Variants in RFX7 observed in about 807,000 individuals in gnomAD.
RFX7 encodes the protein regulatory factor X7.
In RFX7, 26 loss-of-function variants were observed where a neutral mutation model predicts 111.8. That is an observed-to-expected ratio of 0.23 (90% CI 0.17 to 0.32). The LOEUF (loss-of-function observed/expected upper bound fraction) is 0.32, where lower values mean the gene tolerates loss of function less well. Among genes scored for constraint, RFX7 ranks in the 10% least tolerant of loss-of-function variants. The pLI, the probability that RFX7 is intolerant of heterozygous loss-of-function variation, is 1.00. For missense variants in RFX7, 1,573 were observed against 1,772.9 expected, an observed-to-expected ratio of 0.89 and a Z score of 2.02; for synonymous variants, 624 against 624.4, an observed-to-expected ratio of 1.00 and a Z score of 0.01.
At chr15:56,209,783 C>T (rs1396074672) in intron 2 of RFX7, among the ~76,000 whole-genome samples, 2 of 151,464 alleles carry the variant, frequency 1.3e-5, no homozygotes, top group African/African-American at 2.4e-5. Context: ...ATACTGAAAA[C>T]TCTAGGGCAA....
At chr15:56,176,393 G>C (rs1861135511) in intron 3 of RFX7, among the ~76,000 whole-genome samples, 2 of 152,140 alleles carry the variant, frequency 1.3e-5, no homozygotes, top group African/African-American at 4.8e-5. Context: ...CAGAGAGACA[G>C]GAGAAGTGAA....
chr15:56,111,675 A>AC (rs2041935146), intron 5 of RFX7, among the ~76,000 whole-genome samples: 1 of 151,002 alleles, frequency 6.6e-6, no homozygotes, highest in Non-Finnish European at 1.5e-5. Context: ...AAAAAAAAAA[A>AC]AAAAACCAAA....
At chr15:56,115,632 C>T (rs1324701046) in intron 5 of RFX7, among the ~76,000 whole-genome samples, 5 of 152,064 alleles carry the variant, frequency 3.3e-5, no homozygotes, top group African/African-American at 9.7e-5. Flanking sequence ...CTGAGGTCTC[C>T]GTTGTTTTAA....
chr15:56,213,459 T>C (rs561514757), intron 2 of RFX7, among the ~76,000 whole-genome samples: 38 of 152,330 alleles, frequency 2.5e-4, no homozygotes, highest in African/African-American at 9.1e-4. Flanking sequence ...TGATCCTATC[T>C]ACATAACATT....
chr15:56,156,343 G>C (rs982759519), intron 3 of RFX7, among the ~76,000 whole-genome samples: 1 of 152,086 alleles, frequency 6.6e-6, no homozygotes, highest in Non-Finnish European at 1.5e-5. Flanking sequence ...ATGTGCACAT[G>C]CATGCATCAA....
intron 2 of RFX7, 137 bp downstream of exon 2, chr15:56,242,988 T>C: frequency 1.6e-6 from 1 of 624,060 alleles, no homozygotes; most frequent in Non-Finnish European, 2.5e-6. Flanking sequence ...CCTACAAATG[T>C]GCACCCGACT....
chr15:56,128,565 C>A (rs1214329121), intron 5 of RFX7, among the ~76,000 whole-genome samples: 1 of 152,062 alleles, frequency 6.6e-6, no homozygotes, highest in Non-Finnish European at 1.5e-5. Context: ...CTTGACCTAA[C>A]AAAGGCCATC....
chr15:56,109,900 G>T (rs556799111), intron 5 of RFX7, among the ~76,000 whole-genome samples: 1 of 151,398 alleles, frequency 6.6e-6, no homozygotes, highest in African/African-American at 2.4e-5. Flanking sequence ...CAGCCACCCC[G>T]TCCGGGAGGG....
At chr15:56,168,245 T>C (rs538777872) in intron 3 of RFX7, among the ~76,000 whole-genome samples, 5 of 152,330 alleles carry the variant, frequency 3.3e-5, no homozygotes, top group African/African-American at 1.2e-4. Flanking sequence ...TGTGAAGCCT[T>C]TGTCTGCCTC....
At chr15:56,101,629 T>A in intron 7 of RFX7, 63 bp from the exon 8 acceptor site, 1 of 1,376,668 alleles carries the variant, frequency 7.3e-7, no homozygotes, top group Non-Finnish European at 1.0e-6. Context: ...TTGAAGCATG[T>A]TAAAGATATG....
At chr15:56,097,624 G>A (rs1384515108) in intron 9 of RFX7, among the ~76,000 whole-genome samples, 1 of 151,424 alleles carries the variant, frequency 6.6e-6, no homozygotes, top group Admixed American at 6.6e-5. Flanking sequence ...GTGAGTACCT[G>A]TAATCCCAGT....
intron 3 of RFX7, among the ~76,000 whole-genome samples, chr15:56,147,138 G>A (rs1480034918): frequency 6.6e-6 from 1 of 152,044 alleles, no homozygotes; most frequent in African/African-American, 2.4e-5. Context: ...AAATTCGTTG[G>A]TGGTCAAAAA....
At chr15:56,184,829 G>A (rs552686612) in intron 2 of RFX7, among the ~76,000 whole-genome samples, 1 of 152,150 alleles carries the variant, frequency 6.6e-6, no homozygotes, top group South Asian at 2.1e-4. Context: ...TTATCTGTTT[G>A]TCCAACATCC....
At chr15:56,141,550 A>G (rs1386318710) in intron 5 of RFX7, among the ~76,000 whole-genome samples, 1 of 150,908 alleles carries the variant, frequency 6.6e-6, no homozygotes, top group African/African-American at 2.4e-5. Context: ...ATACAAGTTT[A>G]CCTGATTTCT....
In RFX7 at chr15:56,142,880, G is replaced by T. The variant is rs759805829; in HGVS notation, c.299C>A (p.Ser100Tyr). 6.2e-7 allele frequency: 1 copy of T among 1,613,488 alleles called. No homozygotes were observed. The highest frequency in any genetic ancestry group is 8.5e-7 in the Non-Finnish European group (1 of 1,179,726). ...GEKSDQNAMS[S>Y]SRAQQMHAFS... ...GGCATGCATTTGTTGTGCCCGACTA[G>T]ATGACATGGCATTCTGATCACTAAT... Residue 100 changes from serine (S) to tyrosine (Y), a missense_variant, in exon 5 of 10, where the codon TCT becomes TAT. By Grantham distance (144) the Ser-to-Tyr change is moderately radical. Coordinates refer to ENST00000559447, the MANE Select transcript of RFX7 (RefSeq NM_022841.7).
chr15:56,207,283 T>TG (rs879529193), intron 2 of RFX7, among the ~76,000 whole-genome samples: 11 of 151,418 alleles, frequency 7.3e-5, no homozygotes, highest in African/African-American at 1.9e-4. Context: ...GAGGAGGAAA[T>TG]GGGGGGGTAT....
chr15:56,138,606 C>T (rs1450367224), intron 5 of RFX7, among the ~76,000 whole-genome samples: 5 of 152,020 alleles, frequency 3.3e-5, no homozygotes, highest in African/African-American at 4.8e-5. Flanking sequence ...GAGCATTTAG[C>T]CCATTTACAT....
intron 2 of RFX7, among the ~76,000 whole-genome samples, chr15:56,179,727 C>G (rs1019391422): frequency 6.7e-6 from 1 of 149,208 alleles, no homozygotes; most frequent in Non-Finnish European, 1.5e-5. Context: ...AGATTTGATA[C>G]ATAAAAGATT....
chr15:56,197,019 T>C (rs538464179), intron 2 of RFX7, among the ~76,000 whole-genome samples: 1 of 152,144 alleles, frequency 6.6e-6, no homozygotes, highest in Non-Finnish European at 1.5e-5. Flanking sequence ...CCATCAGCTG[T>C]GTATAAGACT....
Sources: allele counts gnomAD v4.1 joint callset (sites outside exome capture counted in the v4.1 genomes callset), GRCh38; gene constraint gnomAD v4.1.1; transcripts MANE v1.5; gene names NCBI Gene and HGNC (gene_info 2026-07-23, HGNC 2026-07-21).